JARID2: variants seen among roughly 807,000 people sequenced by gnomAD.
The protein encoded by JARID2 is jumonji and AT-rich interaction domain containing 2.
Under a neutral mutation model 125.6 loss-of-function variants are expected in JARID2, and 21 were observed. The ratio of observed to expected loss-of-function variants is 0.17; its 90% CI spans 0.12 to 0.24. The LOEUF is 0.24. Among genes scored for constraint, JARID2 ranks in the 10% least tolerant of loss-of-function variants. JARID2 has a pLI of 1.00. For synonymous variants in JARID2, 736 were observed against 661.6 expected, an observed-to-expected ratio of 1.11 and a Z score of -1.73; for missense variants, 1,303 against 1,639.6, an observed-to-expected ratio of 0.79 and a Z score of 3.55.
intron 1 of JARID2, among the ~76,000 whole-genome samples, chr6:15,300,019 T>A (rs1307020142): frequency 6.6e-6 from 1 of 152,202 alleles, no homozygotes. Flanking sequence ...AAGGTTATAA[T>A]GTCCCCATTC....
chr6:15,315,614 AAAG>A (rs1346127915), intron 1 of JARID2, among the ~76,000 whole-genome samples: 3 of 152,228 alleles, frequency 2.0e-5, no homozygotes, highest in Non-Finnish European at 4.4e-5. Flanking sequence ...TACGGTCAAA[AAAG>A]TGAGATATCT....
At chr6:15,377,706 T>A (rs898093428) in intron 2 of JARID2, among the ~76,000 whole-genome samples, 3 of 152,100 alleles carry the variant, frequency 2.0e-5, no homozygotes, top group African/African-American at 7.2e-5. Context: ...CTTTTTTTTT[T>A]TATCTTTAGT....
intron 1 of JARID2, among the ~76,000 whole-genome samples, chr6:15,267,225 T>C (rs1045314681): frequency 6.6e-6 from 1 of 152,190 alleles, no homozygotes; most frequent in African/African-American, 2.4e-5. Flanking sequence ...TGTTATTCTC[T>C]TACTCTCCTA....
chr6:15,519,576 A>C (rs554974279), intron 17 of JARID2, among the ~76,000 whole-genome samples: 30 of 152,334 alleles, frequency 2.0e-4, no homozygotes, highest in Non-Finnish European at 2.4e-4. Flanking sequence ...GAAAGTTACA[A>C]ACACAGTTTT....
At chr6:15,302,797 T>C (rs1406835338) in intron 1 of JARID2, among the ~76,000 whole-genome samples, 1 of 152,062 alleles carries the variant, frequency 6.6e-6, no homozygotes, top group Non-Finnish European at 1.5e-5. Flanking sequence ...TGCAATGGCG[T>C]GATCTTGGCT....
At chr6:15,485,092 G>T (rs1769803026) in intron 5 of JARID2, among the ~76,000 whole-genome samples, 1 of 152,212 alleles carries the variant, frequency 6.6e-6, no homozygotes, top group Non-Finnish European at 1.5e-5. Flanking sequence ...ATAAATGCCA[G>T]CCATTTGAAA....
Position 15,520,747 on chromosome 6 carries a change from G to A in JARID2, c.*496G>A, listed in dbSNP as rs548802745. The stretch of plus-strand genomic sequence containing the variant: ...TTTGCTTTGGCTGTCGTCTTCTGCC[G>A]TGTGCCAGATGAGCTTGTGATCTGG... On this transcript the variant is annotated 3_prime_UTR_variant, in exon 18 of 18. Transcript: ENST00000341776. The A allele has an allele frequency of 1.1e-4, 49 of 455,790 alleles. No individual in the cohort carries two copies. The highest frequency in any genetic ancestry group is 1.7e-4 in the South Asian group (11 of 64,548). 28.2% of individuals were successfully genotyped at this position (455,790 alleles called of 1,614,324 possible). A position where few individuals can be genotyped will look rare whatever the true frequency, so the allele number is the denominator to read the frequency against.
chr6:15,327,153 T>C (rs1185934623), intron 1 of JARID2, among the ~76,000 whole-genome samples: 1 of 152,206 alleles, frequency 6.6e-6, no homozygotes, highest in Non-Finnish European at 1.5e-5. Flanking sequence ...GTTAGCCTCC[T>C]TCCTCCTTTT....
At chr6:15,425,934 T>C (rs1766706699) in intron 3 of JARID2, among the ~76,000 whole-genome samples, 1 of 152,168 alleles carries the variant, frequency 6.6e-6, no homozygotes. Flanking sequence ...GAGACCCTTT[T>C]AGTATTGTGC....
Position 15,246,423 on chromosome 6 carries a change from A to G in JARID2, c.-117A>G. On this transcript the variant is annotated 5_prime_UTR_variant, in exon 1 of 18. Transcript: ENST00000341776. ...GGAAGAGGAAGAAAAGTCGGATTAC[A>G]AGATCAACCACCACCAACAACAATA... is the stretch of plus-strand genomic sequence containing the variant. 2 of 775,652 alleles carry G rather than the reference A, an allele frequency of 2.6e-6. No homozygotes were observed. Among genetic ancestry groups the G allele is most frequent in the Non-Finnish European group, 4.3e-6 (2 of 468,276 alleles). 48.0% of individuals were successfully genotyped at this position (775,652 alleles called of 1,614,324 possible).
intron 3 of JARID2, among the ~76,000 whole-genome samples, chr6:15,420,389 C>G (rs1177889758): frequency 7.3e-6 from 1 of 137,608 alleles, no homozygotes; most frequent in Admixed American, 7.7e-5. Context: ...GGTGACAGAG[C>G]AAGACTCCAT....
intron 14 of JARID2, among the ~76,000 whole-genome samples, chr6:15,512,651 C>G (rs182083021): frequency 6.9e-4 from 105 of 152,212 alleles, no homozygotes; most frequent in African/African-American, 2.4e-3. Flanking sequence ...TGAAGATGCT[C>G]AAGGTAATTG....
intron 1 of JARID2, among the ~76,000 whole-genome samples, chr6:15,342,353 G>T (rs1429370352): frequency 6.6e-6 from 1 of 152,120 alleles, no homozygotes; most frequent in Non-Finnish European, 1.5e-5. Flanking sequence ...TAGCCTCTGG[G>T]ACTACCCCCA....
At chr6:15,333,517 A>G (rs1011382743) in intron 1 of JARID2, among the ~76,000 whole-genome samples, 3 of 152,158 alleles carry the variant, frequency 2.0e-5, no homozygotes, top group Non-Finnish European at 4.4e-5. Context: ...TCCGTGAATC[A>G]GTACTTCATT....
At chr6:15,257,058 G>A (rs1457191288) in intron 1 of JARID2, among the ~76,000 whole-genome samples, 1 of 152,144 alleles carries the variant, frequency 6.6e-6, no homozygotes, top group Non-Finnish European at 1.5e-5. Flanking sequence ...ACCTGCTTGT[G>A]GTCGCATATT....
chr6:15,483,183 C>A (rs529079174), intron 5 of JARID2, among the ~76,000 whole-genome samples: 1 of 152,254 alleles, frequency 6.6e-6, no homozygotes, highest in African/African-American at 2.4e-5. Flanking sequence ...AAAACAACAT[C>A]CTATGAAAAA....
chr6:15,473,514 G>GCCC lies in JARID2; in HGVS notation c.670+4810_670+4812dup, dbSNP rs3841758. On this transcript the variant is annotated intron_variant, in intron 5 of 17. Transcript: ENST00000341776. ...GTCTCCCTTGTCTTCTGATGTGCGT[G>GCCC]CCCCCCCCCCCCCCCCGCTTTGTGT... Among the ~76,000 whole-genome samples the GCCC allele has an allele frequency of 7.1e-4, 25 of 35,060 alleles. 5 individuals are homozygous for GCCC. Among genetic ancestry groups the GCCC allele is most frequent in the Non-Finnish European group, 8.9e-4 (12 of 13,436 alleles). 23.0% of individuals were successfully genotyped at this position (35,060 alleles called of 152,430 possible).
At chr6:15,506,293 T>G (rs1302877676) in intron 9 of JARID2, among the ~76,000 whole-genome samples, 2 of 152,222 alleles carry the variant, frequency 1.3e-5, no homozygotes, top group Non-Finnish European at 2.9e-5. Flanking sequence ...GCAGCAGGCT[T>G]GGGCACTCAG....
At position 15,496,776 on chromosome 6, in the gene JARID2, G is replaced by A. The variant is rs748491910; in HGVS notation, c.1551G>A (p.Ala517=). The change falls in exon 7 of 18, where the codon GCG becomes GCA. Residue 517 remains alanine, a synonymous_variant. Coordinates refer to ENST00000341776, the MANE Select transcript of JARID2 (RefSeq NM_004973.4). The part of the protein sequence containing the change: ...STPGRQAHGK[A]DSASCENRST... The stretch of plus-strand genomic sequence containing the variant: ...CAGGCAGACAAGCACATGGCAAGGC[G>A]GACAGCGCCTCCTGTGAAAATCGTT... The A allele has an allele frequency of 2.6e-5, 42 of 1,612,632 alleles. No individual in the cohort carries two copies. The highest frequency in any genetic ancestry group is 5.5e-5 in the South Asian group (5 of 90,962).
Sources: gnomAD v4.1 joint callset for allele counts (sites outside exome capture counted in the v4.1 genomes callset) on GRCh38, gnomAD v4.1.1 for gene constraint, MANE v1.5 for transcripts, NCBI Gene and HGNC (gene_info 2026-07-23, HGNC 2026-07-21) for gene names.